The following DMD variants were observed in gnomAD, a reference collection of about 807,000 sequenced individuals.
DMD encodes mutant dystrophin.
DMD carries 63 observed loss-of-function variants against 330.1 expected under a neutral mutation model. The observed-to-expected ratio is 0.19, with a 90% CI of 0.16 to 0.24. The LOEUF (loss-of-function observed/expected upper bound fraction) is 0.24. Ranked by LOEUF, DMD falls within the 10% of genes least tolerant of loss-of-function variation. The pLI, the probability that DMD is intolerant of heterozygous loss-of-function variation, is 1.00. For missense variants in DMD, 3,344 were observed against 2,684.1 expected (o/e 1.25, Z -5.43); for synonymous variants, 1,223 against 959.8 (o/e 1.27, Z -5.07).
In DMD at chrX:32,816,530, T is replaced by C; in HGVS notation, c.468A>G (p.Val156=). 1 of 1,211,563 alleles carries C rather than the reference T, an allele frequency of 8.3e-7. No homozygotes were observed. Among genetic ancestry groups the C allele is most frequent in the East Asian group, 3.0e-5 (1 of 33,836 alleles). Reference sequence around the variant, plus strand: ...CAGACCAGCTGGTGGTGAAGTTGATTACATTAACCTGTGGATAATTACGAG... The same window carrying C: ...CAGACCAGCTGGTGGTGAAGTTGATCACATTAACCTGTGGATAATTACGAG... ...QSTRNYPQVN[V]INFTTSWSDG... Residue 156 remains valine, a synonymous_variant, in exon 6 of 79, where the codon GTA becomes GTG. Transcript: ENST00000357033.
intron 4 of DMD, among the ~76,000 whole-genome samples, chrX:32,823,756 T>C (rs1173864378): frequency 8.9e-6 from 1 of 111,814 alleles, no homozygotes; most frequent in Admixed American, 9.5e-5. Flanking sequence ...AGTGCCATTA[T>C]AATTAAGGCT....
intron 50 of DMD, among the ~76,000 whole-genome samples, chrX:31,803,384 A>C (rs1814983702): frequency 8.9e-6 from 1 of 112,271 alleles, no homozygotes; most frequent in Admixed American, 9.3e-5. Context: ...GGAAGCTTTT[A>C]TTTTCTTTTA....
chrX:32,997,748 T>C (rs2093163259), intron 2 of DMD, among the ~76,000 whole-genome samples: 1 of 111,920 alleles, frequency 8.9e-6, no homozygotes, highest in Non-Finnish European at 1.9e-5. Flanking sequence ...AAGGACAAAG[T>C]TTGATCACCA....
intron 24 of DMD, 151 bp downstream of exon 24, chrX:32,464,435 C>A (rs2098394279): frequency 4.2e-6 from 2 of 472,016 alleles, no homozygotes; most frequent in Non-Finnish European, 7.5e-6. Flanking sequence ...CACCCCCAAC[C>A]CAGCTGTGAC....
intron 42 of DMD, among the ~76,000 whole-genome samples, chrX:32,301,298 A>G (rs1264016708): frequency 9.1e-6 from 1 of 109,538 alleles, no homozygotes; most frequent in Non-Finnish European, 1.9e-5. Context: ...ACTCTACTCA[A>G]TGTTTACCTT....
At chrX:32,499,037 G>A (rs755074221) in intron 19 of DMD, among the ~76,000 whole-genome samples, 196 of 111,744 alleles carry the variant, frequency 1.8e-3, no homozygotes, top group Middle Eastern at 4.6e-3. Context: ...ATTTAGAAAC[G>A]GACAGAAATC....
intron 11 of DMD, among the ~76,000 whole-genome samples, chrX:32,631,665 G>C (rs371187955): frequency 1.9e-4 from 21 of 111,432 alleles, no homozygotes; most frequent in East Asian, 1.7e-3. Context: ...GAGCAGTCAT[G>C]TCACACGGCC....
At position 31,765,701 on chromosome X, in the gene DMD, T is replaced by C. The variant is rs138283623; in HGVS notation, c.7542+8259A>G. Among the ~76,000 whole-genome samples, 181 of 111,923 alleles carry C rather than the reference T, an allele frequency of 1.6e-3. No homozygotes were observed. In the East Asian group the frequency reaches 0.019, roughly 12 times the overall value. ...GTAACCATATACATAAAAGTGTGGA[T>C]ACAGGTACAGAAACACTTTTACTAA... On this transcript the variant is annotated intron_variant, in intron 51 of 78. Coordinates refer to ENST00000357033, the MANE Select transcript of DMD (RefSeq NM_004006.3).
intron 41 of DMD, among the ~76,000 whole-genome samples, chrX:32,334,258 T>C (rs1379476200): frequency 1.8e-5 from 2 of 111,898 alleles, no homozygotes; most frequent in Admixed American, 1.9e-4. Flanking sequence ...TACATCCTGG[T>C]GCAACATTTC....
intron 1 of DMD, among the ~76,000 whole-genome samples, chrX:33,113,746 A>G (rs973278419): frequency 2.7e-5 from 3 of 111,760 alleles, no homozygotes; most frequent in Non-Finnish European, 5.6e-5. Flanking sequence ...ATGTTACAGG[A>G]GTGATTCATG....
In DMD at chrX:32,532,601, T is replaced by G. The variant is rs572976617; in HGVS notation, c.2168+12558A>C. Among the ~76,000 whole-genome samples the G allele has an allele frequency of 1.2e-3, 133 of 112,560 alleles. 1 individual carries two copies. Among genetic ancestry groups the G allele is most frequent in the Middle Eastern group, 9.2e-3 (2 of 217 alleles). ...ACTTACTTCGTAATGCTATTTTAAGTGTGAAATACATTAATATGTAGCAAA... is the reference window on the plus strand; with the variant it reads ...ACTTACTTCGTAATGCTATTTTAAGGGTGAAATACATTAATATGTAGCAAA... On this transcript the variant is annotated intron_variant, in intron 17 of 78. Coordinates refer to ENST00000357033, the MANE Select transcript of DMD (RefSeq NM_004006.3).
chrX:32,227,519 C>T (rs963418205), intron 43 of DMD, among the ~76,000 whole-genome samples: 59 of 106,359 alleles, frequency 5.5e-4, no homozygotes, highest in Non-Finnish European at 8.5e-4. Context: ...TGTACACATG[C>T]GCACAGAGTG....
intron 44 of DMD, among the ~76,000 whole-genome samples, chrX:32,092,724 CTTTTTTTTTTTTTTTTTTT>C (rs11315047): frequency 2.5e-5 from 1 of 39,796 alleles, no homozygotes; most frequent in African/African-American, 1.1e-4. Flanking sequence ...GTTATTTTCA[CTTTTTTTTTTTTTTTTTTT>C]TTTTTTTTTT....
intron 44 of DMD, among the ~76,000 whole-genome samples, chrX:32,024,486 C>CAAAAAA (rs71872956): frequency 1.6e-5 from 1 of 61,627 alleles, no homozygotes; most frequent in Non-Finnish European, 2.9e-5. Flanking sequence ...AACTCCCTCT[C>CAAAAAA]AAAAAAAAAA....
At chrX:32,055,106 C>A (rs2096158703) in intron 44 of DMD, among the ~76,000 whole-genome samples, 1 of 111,357 alleles carries the variant, frequency 9.0e-6, no homozygotes. Context: ...CCTGGGAGGA[C>A]AAGTGCCTGT....
chrX:32,577,070 A>G (rs1225098472), intron 13 of DMD, among the ~76,000 whole-genome samples: 1 of 111,929 alleles, frequency 8.9e-6, no homozygotes, highest in Non-Finnish European at 1.9e-5. Context: ...ATATTTGGAG[A>G]TAGAGCCTAT....
chrX:32,254,128 G>A (rs1478514629), intron 43 of DMD, among the ~76,000 whole-genome samples: 1 of 111,247 alleles, frequency 9.0e-6, no homozygotes, highest in Non-Finnish European at 1.9e-5. Flanking sequence ...TGCAACCTCC[G>A]CCTCCTGGGT....
intron 7 of DMD, among the ~76,000 whole-genome samples, chrX:32,745,829 C>T (rs1006541651): frequency 1.8e-5 from 2 of 111,843 alleles, no homozygotes; most frequent in Non-Finnish European, 3.8e-5. Flanking sequence ...GTCATATAGT[C>T]GAAGACTTTT....
chrX:33,139,471 C>T (rs2047678749), intron 1 of DMD, among the ~76,000 whole-genome samples: 1 of 111,145 alleles, frequency 9.0e-6, no homozygotes. Flanking sequence ...CCTGCCATCA[C>T]GCCCGGTTAA....
Sources: gnomAD v4.1 joint callset for allele counts (sites outside exome capture counted in the v4.1 genomes callset) on GRCh38, gnomAD v4.1.1 for gene constraint, MANE v1.5 for transcripts, NCBI Gene and HGNC (gene_info 2026-07-23, HGNC 2026-07-21) for gene names.